D2HGDH: variants seen among roughly 807,000 people sequenced by gnomAD.
The protein encoded by D2HGDH is D-2-hydroxyglutarate dehydrogenase.
Under a neutral mutation model 46.9 loss-of-function variants are expected in D2HGDH, and 31 were observed. That is an observed-to-expected ratio of 0.66 (90% CI 0.50 to 0.89). The LOEUF (loss-of-function observed/expected upper bound fraction) is 0.89. D2HGDH is among the 40% of genes least tolerant of loss of function. The probability of loss-of-function intolerance (pLI) is 0.00; values close to 1 mark genes in which losing one functional copy is unlikely to be tolerated. For synonymous variants in D2HGDH, 364 were observed against 332.6 expected (o/e 1.09, Z -1.03); for missense variants, 698 against 720.8 (o/e 0.97, Z 0.36).
At chr2:241,745,723 C>T (rs999522401) in intron 6 of D2HGDH, among the ~76,000 whole-genome samples, 4 of 152,190 alleles carry the variant, frequency 2.6e-5, no homozygotes, top group African/African-American at 9.7e-5. Context: ...AACATATCCT[C>T]GTTCATTTCC....
chr2:241,740,604 T>G (rs60611916), intron 2 of D2HGDH, among the ~76,000 whole-genome samples: 1 of 152,026 alleles, frequency 6.6e-6, no homozygotes, highest in Non-Finnish European at 1.5e-5. Flanking sequence ...ACTGCAGCCT[T>G]GACCTCCTGG....
chr2:241,747,624 A>G (rs2125114066), intron 6 of D2HGDH, among the ~76,000 whole-genome samples: 1 of 149,982 alleles, frequency 6.7e-6, no homozygotes, highest in South Asian at 2.1e-4. Context: ...GCTGGAGTGC[A>G]GTGGTGCAAT....
At chr2:241,736,895 G>C (rs1189046903) in intron 2 of D2HGDH, among the ~76,000 whole-genome samples, 2 of 151,572 alleles carry the variant, frequency 1.3e-5, no homozygotes, top group Non-Finnish European at 2.9e-5. Flanking sequence ...TCCTGACTTC[G>C]GGTGATCCAC....
chr2:241,749,694 G>A (rs1237343941), intron 6 of D2HGDH: 22 of 326,882 alleles, frequency 6.7e-5, no homozygotes, highest in South Asian at 9.9e-5. Context: ...TCCCACTGCC[G>A]TCTCAGGTGC....
At chr2:241,734,884 G>C (rs550554472) in intron 1 of D2HGDH, 189 bp downstream of exon 1, 15 of 272,516 alleles carry the variant, frequency 5.5e-5, no homozygotes, top group Non-Finnish European at 7.6e-5. Context: ...GATCCCCTCG[G>C]GGGGCGAGCT....
intron 9 of D2HGDH, among the ~76,000 whole-genome samples, chr2:241,759,133 C>T (rs956493775): frequency 6.6e-6 from 1 of 152,144 alleles, no homozygotes; most frequent in Non-Finnish European, 1.5e-5. Context: ...TTATGATCAG[C>T]CTTCGTAACT....
intron 8 of D2HGDH, among the ~76,000 whole-genome samples, chr2:241,753,311 G>C (rs895531368): frequency 6.6e-6 from 1 of 152,100 alleles, no homozygotes; most frequent in African/African-American, 2.4e-5. Context: ...GTCCGGTGTT[G>C]GCGAGGCTCT....
intron 9 of D2HGDH, among the ~76,000 whole-genome samples, chr2:241,762,443 G>A (rs185477862): frequency 5.3e-5 from 8 of 152,280 alleles, no homozygotes; most frequent in Admixed American, 2.6e-4. Flanking sequence ...TGGTTTGGCC[G>A]GGAGTCGGCC....
At chr2:241,747,794 C>G (rs566031933) in intron 6 of D2HGDH, among the ~76,000 whole-genome samples, 1 of 152,148 alleles carries the variant, frequency 6.6e-6, no homozygotes, top group Non-Finnish European at 1.5e-5. Context: ...AACTCCTGAG[C>G]TCAAACAATT....
intron 8 of D2HGDH, among the ~76,000 whole-genome samples, chr2:241,753,272 C>T (rs1043644302): frequency 6.6e-6 from 1 of 152,170 alleles, no homozygotes; most frequent in African/African-American, 2.4e-5. Flanking sequence ...CGGTTGTGTG[C>T]AGTTGCTCTG....
In D2HGDH at chr2:241,767,913, C is replaced by T. The variant is rs1232884270; in HGVS notation, c.1510C>T (p.Leu504=). The T allele has an allele frequency of 6.2e-7, 1 of 1,602,574 alleles. No individual in the cohort carries two copies. Reference sequence around the variant, plus strand: ...GCAGCTCATGCAGCAGCTCAAGGCCCTGCTGGACCCCAAGGGCATCCTCAA... The same window carrying T: ...GCAGCTCATGCAGCAGCTCAAGGCCTTGCTGGACCCCAAGGGCATCCTCAA... ...ALQLMQQLKA[L]LDPKGILNPY... Residue 504 remains leucine, a synonymous_variant, in exon 10 of 10, where the codon CTG becomes TTG. Coordinates refer to ENST00000321264, the MANE Select transcript of D2HGDH (RefSeq NM_152783.5).
rs550617201 is a variant in D2HGDH, at chr2:241,743,414, T to G, written c.491-208T>G. On this transcript the variant is annotated intron_variant, in intron 4 of 9. Transcript: ENST00000321264. The surrounding 1 kb of genome is among the most constrained non-coding windows in gnomAD (Gnocchi z 4.8). ...TCTTTTCATGTTACTCATTTTTTTT[T>G]TGTGTCACCATAATTATAAAGGTCC... is the stretch of plus-strand genomic sequence containing the variant. Among the ~76,000 whole-genome samples the G allele has an allele frequency of 1.5e-3, 234 of 152,310 alleles. No individual in the cohort carries two copies. Among genetic ancestry groups the G allele is most frequent in the African/African-American group, 2.5e-3 (106 of 41,570 alleles).
intron 9 of D2HGDH, among the ~76,000 whole-genome samples, chr2:241,764,789 G>A (rs1430522982): frequency 2.0e-5 from 3 of 152,210 alleles, no homozygotes; most frequent in South Asian, 2.1e-4. Context: ...GTTAAAAGCC[G>A]CTGTCCTTGT....
At chr2:241,747,755 G>A (rs1415514071) in intron 6 of D2HGDH, among the ~76,000 whole-genome samples, 1 of 151,914 alleles carries the variant, frequency 6.6e-6, no homozygotes, top group African/African-American at 2.4e-5. Flanking sequence ...ATAGAGACAG[G>A]GTCTCCCATG....
chr2:241,745,597 C>T (rs190431046), intron 6 of D2HGDH, among the ~76,000 whole-genome samples: 1 of 152,274 alleles, frequency 6.6e-6, no homozygotes, highest in Admixed American at 6.5e-5. Context: ...CTTACATCTT[C>T]TTGTTGTGAT....
rs562590858 is a variant in D2HGDH, at chr2:241,745,639, G to A, written c.853+762G>A. On this transcript the variant is annotated intron_variant, in intron 6 of 9. Coordinates refer to ENST00000321264, the MANE Select transcript of D2HGDH (RefSeq NM_152783.5). ...TCCGTATTTTAAGCAATCTCACCAG[G>A]ATTATTATTTTATGGCCACTTTCTC... 5.3e-5 allele frequency among the ~76,000 whole-genome samples: 8 copies of A among 152,190 alleles called. No individual in the cohort carries two copies. In the South Asian group the frequency reaches 1.7e-3, roughly 32 times the overall value.
At chr2:241,755,794 T>C (rs980914321) in intron 8 of D2HGDH, 55 bp from the exon 9 acceptor site, 2 of 1,610,584 alleles carry the variant, frequency 1.2e-6, no homozygotes, top group African/African-American at 2.7e-5. Context: ...GTGCCCCCTG[T>C]CCCCGGGTGT....
intron 8 of D2HGDH, chr2:241,755,216 G>T: frequency 8.9e-7 from 1 of 1,127,516 alleles, no homozygotes. Flanking sequence ...TCCACGGCCC[G>T]CCCACCGTGT....
In D2HGDH at chr2:241,755,567, G is replaced by A. The variant is rs1444444274; in HGVS notation, c.1141-282G>A. 7 of 1,445,116 alleles carry A rather than the reference G, an allele frequency of 4.8e-6. No individual in the cohort carries two copies. The South Asian group carries it at 8.5e-5, about 18-fold the overall frequency. 89.5% of individuals were successfully genotyped at this position (1,445,116 alleles called of 1,614,324 possible). ...CCGGAGTCCCAGGGTGCTCGGTGCT[G>A]TCGTGGAGCCTGGGACATTCACTGT... On this transcript the variant is annotated intron_variant, in intron 8 of 9. Transcript: ENST00000321264.
Sources: allele counts gnomAD v4.1 joint callset (sites outside exome capture counted in the v4.1 genomes callset), GRCh38; gene constraint gnomAD v4.1.1; non-coding constraint Gnocchi (gnomAD v3.1); transcripts MANE v1.5; gene names NCBI Gene and HGNC (gene_info 2026-07-23, HGNC 2026-07-21).